BTRC: variants seen among roughly 807,000 people sequenced by gnomAD.
BTRC encodes the protein F-box/WD repeat-containing protein 1A.
Under a neutral mutation model 85.5 loss-of-function variants are expected in BTRC, and 42 were observed. The observed-to-expected ratio is 0.49, with a 90% CI of 0.38 to 0.64. The LOEUF (loss-of-function observed/expected upper bound fraction) is 0.64, where lower values mean the gene tolerates loss of function less well. Among genes scored for constraint, BTRC ranks in the 30% least tolerant of loss-of-function variants. BTRC has a pLI of 0.00. For missense variants in BTRC, 594 were observed against 743.5 expected (o/e 0.80, Z 2.34); for synonymous variants, 255 against 263.3 (o/e 0.97, Z 0.30).
intron 4 of BTRC, among the ~76,000 whole-genome samples, chr10:101,508,576 A>G (rs1043353678): frequency 6.6e-6 from 1 of 152,174 alleles, no homozygotes; most frequent in Non-Finnish European, 1.5e-5. Flanking sequence ...ACTCCAAAAA[A>G]AGGAATGGAC....
chr10:101,397,911 T>C (rs918757927), intron 1 of BTRC, among the ~76,000 whole-genome samples: 2 of 152,362 alleles, frequency 1.3e-5, no homozygotes, highest in East Asian at 1.9e-4. Context: ...AAACTTTCTC[T>C]GTAATCAAAG....
intron 4 of BTRC, among the ~76,000 whole-genome samples, chr10:101,504,590 T>A (rs1946471684): frequency 1.3e-5 from 2 of 152,006 alleles, no homozygotes; most frequent in African/African-American, 4.8e-5. Flanking sequence ...GTCACTTTTG[T>A]CATTCCTCTT....
chr10:101,406,922 G>A (rs892773599), intron 1 of BTRC, among the ~76,000 whole-genome samples: 6 of 151,982 alleles, frequency 3.9e-5, no homozygotes, highest in East Asian at 1.9e-4. Flanking sequence ...TAATTGTGTC[G>A]GTTTTTAAAT....
chr10:101,520,028 C>T (rs1177605246), intron 4 of BTRC, among the ~76,000 whole-genome samples: 2 of 152,126 alleles, frequency 1.3e-5, no homozygotes, highest in Non-Finnish European at 2.9e-5. Context: ...TCTTGGGGAC[C>T]ATCTTAGAAT....
At chr10:101,407,617 C>T (rs986301285) in intron 1 of BTRC, among the ~76,000 whole-genome samples, 1 of 152,100 alleles carries the variant, frequency 6.6e-6, no homozygotes, top group Non-Finnish European at 1.5e-5. Context: ...TCTTGAACTC[C>T]CGAGCTCAGG....
intron 2 of BTRC, among the ~76,000 whole-genome samples, chr10:101,447,441 G>A (rs1436428787): frequency 1.3e-5 from 2 of 152,166 alleles, no homozygotes. Flanking sequence ...AGCAAAAGAT[G>A]CATTATACAT....
At chr10:101,506,917 C>G (rs551638787) in intron 4 of BTRC, among the ~76,000 whole-genome samples, 142 of 152,212 alleles carry the variant, frequency 9.3e-4, no homozygotes, top group African/African-American at 3.2e-3. Context: ...CTCAGGGTCT[C>G]TGAAAAAATT....
chr10:101,366,795 C>T (rs10786632), intron 1 of BTRC, among the ~76,000 whole-genome samples: 82,296 of 84,932 alleles, frequency 0.97, 39,965 homozygotes, highest in South Asian at 0.99. Flanking sequence ...TATATTTTTA[C>T]ATTTATATAT....
intron 1 of BTRC, among the ~76,000 whole-genome samples, chr10:101,400,152 T>G (rs1943459572): frequency 6.6e-6 from 1 of 152,212 alleles, no homozygotes. Context: ...AAATTGTTAT[T>G]TATTTCATAT....
chr10:101,487,694 G>C (rs193116070), intron 4 of BTRC, among the ~76,000 whole-genome samples: 7 of 152,274 alleles, frequency 4.6e-5, no homozygotes, highest in Admixed American at 1.3e-4. Flanking sequence ...AAGATCAGGT[G>C]GGGTAAGCAG....
At chr10:101,416,952 CAT>C (rs1943961960) in intron 1 of BTRC, among the ~76,000 whole-genome samples, 1 of 151,898 alleles carries the variant, frequency 6.6e-6, no homozygotes, top group Non-Finnish European at 1.5e-5. Context: ...ATTTATATTC[CAT>C]GTTTTATTTT....
chr10:101,522,855 T>C (rs1325454986), intron 5 of BTRC, among the ~76,000 whole-genome samples: 1 of 152,158 alleles, frequency 6.6e-6, no homozygotes, highest in Non-Finnish European at 1.5e-5. Flanking sequence ...ACGTCTTAGT[T>C]CATGTTTATG....
intron 1 of BTRC, among the ~76,000 whole-genome samples, chr10:101,366,872 A>T (rs181508277): frequency 8.3e-5 from 2 of 23,984 alleles, no homozygotes; most frequent in Admixed American, 8.5e-4. Context: ...ATATATTAAT[A>T]TATATTTATA....
At chr10:101,375,930 A>ACCC (rs1942779604) in intron 1 of BTRC, among the ~76,000 whole-genome samples, 1 of 152,168 alleles carries the variant, frequency 6.6e-6, no homozygotes, top group Non-Finnish European at 1.5e-5. Context: ...CAGTGTATCA[A>ACCC]CACAGGGGAA....
At chr10:101,529,202 C>A (rs182645821) in intron 6 of BTRC, among the ~76,000 whole-genome samples, 3 of 152,162 alleles carry the variant, frequency 2.0e-5, no homozygotes, top group African/African-American at 7.2e-5. Flanking sequence ...AAGGTTTTGA[C>A]TTAAAACATA....
At chr10:101,520,175 G>A (rs532704868) in intron 4 of BTRC, among the ~76,000 whole-genome samples, 33 of 151,776 alleles carry the variant, frequency 2.2e-4, no homozygotes, top group Admixed American at 9.2e-4. Flanking sequence ...ACAGAGTCTC[G>A]CCCTGTTGCC....
rs1225639638 is a variant in BTRC, at chr10:101,556,651, T to G, written c.*3528T>G. ...CTTAGGGGAATAAAACAGTTTCGCTTCTTTAGCTCATCTGTGGTGTCAGAA... is the reference window on the plus strand; with the variant it reads ...CTTAGGGGAATAAAACAGTTTCGCTGCTTTAGCTCATCTGTGGTGTCAGAA... On this transcript the variant is annotated 3_prime_UTR_variant, in exon 15 of 15. Transcript: ENST00000370187. 1.3e-5 allele frequency: 2 copies of G among 152,240 alleles called. No individual in the cohort carries two copies. The highest frequency in any genetic ancestry group is 6.5e-5 in the Admixed American group (1 of 15,286). 9.4% of individuals were successfully genotyped at this position (152,240 alleles called of 1,614,324 possible). A position where few individuals can be genotyped will look rare whatever the true frequency, so the allele number is the denominator to read the frequency against.
chr10:101,452,820 A>G (rs1469740550), intron 2 of BTRC, among the ~76,000 whole-genome samples: 2 of 152,200 alleles, frequency 1.3e-5, no homozygotes, highest in Non-Finnish European at 2.9e-5. Flanking sequence ...ATGTCAAATG[A>G]TAAACATGCT....
At chr10:101,358,172 G>A (rs538538829) in intron 1 of BTRC, among the ~76,000 whole-genome samples, 21 of 152,296 alleles carry the variant, frequency 1.4e-4, no homozygotes, top group Non-Finnish European at 2.8e-4. Context: ...TGCAGTCATA[G>A]CTTGCTGCAG....
Sources: allele counts gnomAD v4.1 joint callset (sites outside exome capture counted in the v4.1 genomes callset), GRCh38; gene constraint gnomAD v4.1.1; transcripts MANE v1.5; gene names NCBI Gene and HGNC (gene_info 2026-07-23, HGNC 2026-07-21).